The following MSLN variants were observed in gnomAD, a reference collection of about 807,000 sequenced individuals.
MSLN encodes CAK1 antigen.
A neutral mutation model predicts 72.6 loss-of-function variants in MSLN; 82 were observed. That is an observed-to-expected ratio of 1.13 (90% CI 0.94 to 1.36). The LOEUF (loss-of-function observed/expected upper bound fraction) is 1.36. Among genes scored for constraint, MSLN ranks in the 40% most tolerant of loss-of-function variants. The pLI is 0.00. For missense variants in MSLN, 1,005 were observed against 847.9 expected (o/e 1.19, Z -2.30); for synonymous variants, 456 against 387.3 (o/e 1.18, Z -2.08).
At position 766,071 on chromosome 16, in the gene MSLN, C is replaced by T. The variant is rs1176555377; in HGVS notation, c.908C>T (p.Pro303Leu). 6 of 1,610,434 alleles carry T rather than the reference C, an allele frequency of 3.7e-6. No individual in the cohort carries two copies. Among genetic ancestry groups the T allele is most frequent in the East Asian group, 2.2e-5 (1 of 44,780 alleles). Reference sequence around the variant, plus strand: ...CTGTGCCCTGCAGAGACAGCCTGTCCTTCAGGCAAGAAGGCCCGCGAGATA... The same window carrying T: ...CTGTGCCCTGCAGAGACAGCCTGTCTTTCAGGCAAGAAGGCCCGCGAGATA... Reference protein sequence around the residue: ...FRREVEKTACPSGKKAREIDE... With the variant: ...FRREVEKTACLSGKKAREIDE... The change falls in exon 12 of 18, where the codon CCT (proline) becomes CTT (leucine). Residue 303 changes from proline (P) to leucine (L), a missense_variant. By Grantham distance (98) the Pro-to-Leu change is moderately conservative. Coordinates refer to ENST00000545450, the MANE Select transcript of MSLN (RefSeq NM_005823.6).
Position 768,671 on chromosome 16 carries a change from C to T in MSLN, c.1807C>T (p.Leu603Phe), listed in dbSNP as rs1266972397. The change falls in exon 18 of 18, where the codon CTC (leucine) becomes TTC (phenylalanine). Residue 603 changes from leucine (L) to phenylalanine (F), a missense_variant. Coordinates refer to ENST00000545450, the MANE Select transcript of MSLN (RefSeq NM_005823.6). ...MQEALSGTPC[L>F]LGPGPVLTVL... is the part of the protein sequence containing the mutation. ...AGAGGCCCTCTCGGGGACGCCCTGCCTCCTAGGACCTGGACCTGTTCTCAC... is the reference window on the plus strand; with the variant it reads ...AGAGGCCCTCTCGGGGACGCCCTGCTTCCTAGGACCTGGACCTGTTCTCAC... The T allele has an allele frequency of 1.2e-6, 2 of 1,611,014 alleles. No homozygotes were observed. Among genetic ancestry groups the T allele is most frequent in the Non-Finnish European group, 1.7e-6 (2 of 1,179,514 alleles).
Position 765,032 on chromosome 16 carries a change from G to A in MSLN, c.506G>A (p.Cys169Tyr). The A allele has an allele frequency of 6.2e-7, 1 of 1,611,470 alleles. No homozygotes were observed. Among genetic ancestry groups the A allele is most frequent in the Non-Finnish European group, 8.5e-7 (1 of 1,179,382 alleles). ...RQRLLPAALA[C>Y]WGVRGSLLSE... ...CGGCTGCTGCCTGCGGCTCTGGCCT[G>A]CTGGGTAGGGGCTGGGGCCAGCGCG... The change falls in exon 8 of 18, where the codon TGC becomes TAC. Residue 169 changes from cysteine (C) to tyrosine (Y), a missense_variant. Coordinates refer to ENST00000545450, the MANE Select transcript of MSLN (RefSeq NM_005823.6).
At chr16:763,043 G>A (rs1355546806) in intron 3 of MSLN, among the ~76,000 whole-genome samples, 190 bp from the exon 4 acceptor site, 1 of 152,184 alleles carries the variant, frequency 6.6e-6, no homozygotes, top group Admixed American at 6.5e-5. Flanking sequence ...GCTCCCTGGT[G>A]GAGTCCCGAC....
At chr16:767,986 AG>A (rs1157998706) in intron 16 of MSLN, among the ~76,000 whole-genome samples, 1 of 18,092 alleles carries the variant, frequency 5.5e-5, no homozygotes, top group Non-Finnish European at 8.2e-5. Context: ...GGGGGCGTGG[AG>A]GGGGGCGCGT....
At position 765,525 on chromosome 16, in the gene MSLN, AG is replaced by A; in HGVS notation, c.705-1del. ...CCTGAGCTGTGTCCCGTGTCTGCAC[AG>A]CCCCCCGTCGACATGGTCTGTCTCC... On this transcript the variant is annotated splice_acceptor_variant, in intron 9 of 17. Transcript: ENST00000545450. LOFTEE classifies it high-confidence loss of function. 6.2e-7 allele frequency: 1 copy of A among 1,603,332 alleles called. No individual in the cohort carries two copies. Among genetic ancestry groups the A allele is most frequent in the South Asian group, 1.1e-5 (1 of 90,404 alleles).
chr16:768,305 G>A, intron 16 of MSLN, 74 bp from the exon 17 acceptor site: 3 of 1,438,274 alleles, frequency 2.1e-6, no homozygotes, highest in East Asian at 2.4e-5. Context: ...TTTGGACACA[G>A]GAGAGCCTGG....
intron 2 of MSLN, among the ~76,000 whole-genome samples, chr16:761,739 C>T (rs1187871955): frequency 1.3e-5 from 2 of 152,216 alleles, no homozygotes; most frequent in African/African-American, 2.4e-5. Flanking sequence ...GGCTGTGTGC[C>T]TCCCCGCGAC....
chr16:768,082 G>A (rs2041662894), intron 16 of MSLN, among the ~76,000 whole-genome samples: 2 of 122,638 alleles, frequency 1.6e-5, no homozygotes, highest in Middle Eastern at 4.0e-3. Context: ...GGGGGGGCAA[G>A]TGGAGAAGCC....
chr16:763,194 C>T (rs1465212894), intron 3 of MSLN, 39 bp from the exon 4 acceptor site: 3 of 1,400,190 alleles, frequency 2.1e-6, no homozygotes, highest in Admixed American at 2.2e-5. Context: ...AGCCCAGAGG[C>T]CCGCCCCCTC....
At chr16:764,621 C>T in intron 6 of MSLN, 26 bp from the exon 7 acceptor site, 1 of 1,605,566 alleles carries the variant, frequency 6.2e-7, no homozygotes, top group South Asian at 1.1e-5. Flanking sequence ...TCGAAACGCT[C>T]TGTGCTGGAC....
Position 766,793 on chromosome 16 carries a change from G to A in MSLN, c.1356G>A (p.Val452=), listed in dbSNP as rs751273370. The A allele has an allele frequency of 2.0e-5, 33 of 1,612,366 alleles. No individual in the cohort carries two copies. Among genetic ancestry groups the A allele is most frequent in the Non-Finnish European group, 2.6e-5 (31 of 1,179,864 alleles). The change falls in exon 14 of 18, where the codon GTG becomes GTA. Residue 452 remains valine, a synonymous_variant. Coordinates refer to ENST00000545450, the MANE Select transcript of MSLN (RefSeq NM_005823.6). ...TCAGCCCCGAGGAGCTGAGCTCCGTGCCCCCCAGCAGCATCTGGTGAGTCC... is the reference window on the plus strand; with the variant it reads ...TCAGCCCCGAGGAGCTGAGCTCCGTACCCCCCAGCAGCATCTGGTGAGTCC... ...CSLSPEELSS[V]PPSSIWAVRP... is the part of the protein sequence containing the mutation.
At chr16:765,388 G>T in intron 9 of MSLN, 85 bp downstream of exon 9, 1 of 1,436,302 alleles carries the variant, frequency 7.0e-7, no homozygotes, top group Non-Finnish European at 9.2e-7. Flanking sequence ...ATGCCTCAAG[G>T]CCCAGGGTCA....
Position 762,773 on chromosome 16 carries a change from C to T in MSLN, c.85+8C>T, listed in dbSNP as rs1451548538. ...TCCTGCTCTTCAGCCTCGGTGCGTA[C>T]TTGATGGGGCTGCTGGTGAGGTGGG... is the stretch of plus-strand genomic sequence containing the variant. On this transcript the variant is annotated splice_region_variant and intron_variant, in intron 3 of 17. Coordinates refer to ENST00000545450, the MANE Select transcript of MSLN (RefSeq NM_005823.6). 1.3e-6 allele frequency: 2 copies of T among 1,565,606 alleles called. No individual in the cohort carries two copies. The highest frequency in any genetic ancestry group is 4.6e-5 in the East Asian group (2 of 43,590).
At position 766,497 on chromosome 16, in the gene MSLN, G is replaced by A. The variant is rs112279390; in HGVS notation, c.1230+7G>A. ...GCACGAAATGAGTCCTCAGGTGACC[G>A]TCCGGCTCGGGGGTCATGTGGCATG... On this transcript the variant is annotated splice_region_variant and intron_variant, in intron 13 of 17. Transcript: ENST00000545450. 68 of 1,612,400 alleles carry A rather than the reference G, an allele frequency of 4.2e-5. 1 individual carries two copies. Among genetic ancestry groups the A allele is most frequent in the African/African-American group, 2.0e-4 (15 of 74,898 alleles).
chr16:763,400 G>C, intron 4 of MSLN, 124 bp downstream of exon 4: 1 of 941,282 alleles, frequency 1.1e-6, no homozygotes, highest in East Asian at 2.7e-5. Flanking sequence ...TTGCAAAGGG[G>C]CACCTGGACC....
chr16:764,991 G>T lies in MSLN; in HGVS notation c.465G>T (p.Gly155=). 6.2e-7 allele frequency: 1 copy of T among 1,612,326 alleles called. No individual in the cohort carries two copies. Among genetic ancestry groups the T allele is most frequent in the Non-Finnish European group, 8.5e-7 (1 of 1,179,710 alleles). ...TKANVDLLPR[G]APERQRLLPA... Reference sequence around the variant, plus strand: ...CCAATGTGGACCTGCTCCCGAGGGGGGCTCCCGAGCGACAGCGGCTGCTGC... The same window carrying T: ...CCAATGTGGACCTGCTCCCGAGGGGTGCTCCCGAGCGACAGCGGCTGCTGC... The change falls in exon 8 of 18, where the codon GGG becomes GGT. Residue 155 remains glycine (G), a synonymous_variant. Coordinates refer to ENST00000545450, the MANE Select transcript of MSLN (RefSeq NM_005823.6).
chr16:768,091 C>A (rs1258632579), intron 16 of MSLN, among the ~76,000 whole-genome samples: 6 of 83,838 alleles, frequency 7.2e-5, no homozygotes, highest in African/African-American at 2.8e-4. Flanking sequence ...AGTGGAGAAG[C>A]CCTGGTGGAG....
chr16:761,775 G>A (rs1431118994), intron 2 of MSLN, among the ~76,000 whole-genome samples: 1 of 152,236 alleles, frequency 6.6e-6, no homozygotes, highest in Non-Finnish European at 1.5e-5. Context: ...GGCCGACCAG[G>A]CAGGCTCTGC....
Position 764,083 on chromosome 16 carries a change from G to A in MSLN, c.240G>A (p.Glu80=). Residue 80 remains glutamate (E), a synonymous_variant, in exon 6 of 18, where the codon GAG becomes GAA. Coordinates refer to ENST00000545450, the MANE Select transcript of MSLN (RefSeq NM_005823.6). Reference sequence around the variant, plus strand: ...CGGAGGTGTCCGGCCTGAGCACGGAGCGTGTCCGGGAGCTGGCTGTGGCCT... The same window carrying A: ...CGGAGGTGTCCGGCCTGAGCACGGAACGTGTCCGGGAGCTGGCTGTGGCCT... The part of the protein sequence containing the change: ...PCAEVSGLST[E]RVRELAVALA... 1 of 1,606,508 alleles carries A rather than the reference G, an allele frequency of 6.2e-7. No homozygotes were observed. Among genetic ancestry groups the A allele is most frequent in the Non-Finnish European group, 8.5e-7 (1 of 1,179,820 alleles).
Sources: gnomAD v4.1 joint callset for allele counts (sites outside exome capture counted in the v4.1 genomes callset) on GRCh38, gnomAD v4.1.1 for gene constraint, MANE v1.5 for transcripts, NCBI Gene and HGNC (gene_info 2026-07-23, HGNC 2026-07-21) for gene names.